Variants in HNRNPL observed in about 807,000 individuals in gnomAD.
HNRNPL encodes heterogeneous nuclear ribonucleoprotein L.
HNRNPL carries 12 observed loss-of-function variants against 64.0 expected under a neutral mutation model. The observed-to-expected ratio is 0.19, with a 90% CI of 0.12 to 0.30. The LOEUF (loss-of-function observed/expected upper bound fraction) is 0.30. Ranked by LOEUF, HNRNPL falls within the 10% of genes least tolerant of loss-of-function variation. The probability of loss-of-function intolerance (pLI) is 1.00; values close to 1 mark genes in which losing one functional copy is unlikely to be tolerated. For synonymous variants in HNRNPL, 385 were observed against 313.0 expected, an observed-to-expected ratio of 1.23 and a Z score of -2.43; for missense variants, 484 against 797.4, an observed-to-expected ratio of 0.61 and a Z score of 4.73.
Position 38,846,101 on chromosome 19 carries a change from G to A in HNRNPL, c.387-11C>T, listed in dbSNP as rs76281332. 1.8e-3 allele frequency: 2,834 copies of A among 1,587,002 alleles called. 49 individuals carry two copies. The African/African-American group carries it at 0.034, about 19-fold the overall frequency. ...ATTACCACCACATAGCTGGCAGAGA[G>A]AACACAGGTTTCAATCCTCTCAGGA... On this transcript the variant is annotated splice_polypyrimidine_tract_variant and intron_variant, in intron 2 of 12. Coordinates refer to ENST00000221419, the MANE Select transcript of HNRNPL (RefSeq NM_001533.3).
chr19:38,844,160 T>C lies in HNRNPL; in HGVS notation c.711-56A>G, dbSNP rs1237723546. On this transcript the variant is annotated intron_variant, in intron 4 of 12. Coordinates refer to ENST00000221419, the MANE Select transcript of HNRNPL (RefSeq NM_001533.3). ...GGAGATCTTTGAGAAGGGCTTCAAG[T>C]TACCCCAGAGTGTGATAAGGACAAG... The C allele has an allele frequency of 5.1e-6, 6 of 1,178,536 alleles. No individual in the cohort carries two copies. In the African/African-American group the frequency reaches 7.5e-5, roughly 15 times the overall value. 73.0% of individuals were successfully genotyped at this position (1,178,536 alleles called of 1,614,324 possible). A position where few individuals can be genotyped will look rare whatever the true frequency, so the allele number is the denominator to read the frequency against.
intron 8 of HNRNPL, chr19:38,839,466 GCGTTATTTA>G: frequency 5.7e-6 from 1 of 174,744 alleles, no homozygotes; most frequent in Non-Finnish European, 1.2e-5. Flanking sequence ...GAACCTGGGC[GCGTTATTTA>G]AGCCCCGTCC....
chr19:38,840,617 T>C, intron 6 of HNRNPL, 58 bp from the exon 7 acceptor site: 1 of 1,348,188 alleles, frequency 7.4e-7, no homozygotes. Flanking sequence ...TCTCCCTCCC[T>C]CCTGACTGCA....
upstream of HNRNPL, among the ~76,000 whole-genome samples, chr19:38,852,031 G>A (rs757608136): frequency 6.6e-6 from 1 of 151,564 alleles, no homozygotes. Context: ...GGGGGGAGGG[G>A]GAGAGAGAGG....
chr19:38,852,030 G>C (rs1205640735), upstream of HNRNPL, among the ~76,000 whole-genome samples: 2 of 151,546 alleles, frequency 1.3e-5, no homozygotes, highest in Non-Finnish European at 3.0e-5. Context: ...TGGGGGGAGG[G>C]GGAGAGAGAG....
At position 38,849,705 on chromosome 19, in the gene HNRNPL, C is replaced by T. The variant is rs1972437950; in HGVS notation, c.262G>A (p.Gly88Ser). ...GGAGAAGGGG[G>S]GENYDDPHKT... ...GCCTAGGGCCCTGGCCTCACCCCAC[C>T]GCCGCCGCCGCCCGCCGCCCCGGCT... Residue 88 changes from glycine (G) to serine (S), a missense_variant, in exon 1 of 13, where the codon GGT (glycine) becomes AGT (serine). Around this residue, in one of 9 missense-constraint regions of HNRNPL, gnomAD observed 190 missense variants for 160.1 expected, o/e 1.19. Transcript: ENST00000221419. 2 of 1,351,094 alleles carry T rather than the reference C, an allele frequency of 1.5e-6. No individual in the cohort carries two copies. The highest frequency in any genetic ancestry group is 1.9e-6 in the Non-Finnish European group (2 of 1,060,044). The allele number at this position is 1,351,094 out of a possible 1,614,324, so 83.7% of individuals were successfully genotyped here.
chr19:38,845,516 G>A, intron 4 of HNRNPL, 134 bp downstream of exon 4: 1 of 714,890 alleles, frequency 1.4e-6, no homozygotes, highest in Non-Finnish European at 2.5e-6. Context: ...TCAGTCACTG[G>A]GCTCTGTGAA....
At chr19:38,837,704 C>T in intron 10 of HNRNPL, 53 bp from the exon 11 acceptor site, 2 of 1,532,736 alleles carry the variant, frequency 1.3e-6, no homozygotes, top group Non-Finnish European at 1.8e-6. Context: ...GGCCGCCACA[C>T]AGGATTCAAG....
intron 11 of HNRNPL, 27 bp from the exon 12 acceptor site, chr19:38,837,506 AAGGTTTTAGACTCACCCAATAGGAACT>A (rs1451104184): frequency 3.7e-6 from 6 of 1,613,226 alleles, no homozygotes; most frequent in Non-Finnish European, 5.1e-6. Context: ...GGGAAAAGTA[AAGGTTTTAGACTCACCCAATAGGAACT>A]AGGCAGCTGC....
intron 8 of HNRNPL, chr19:38,839,234 G>C: frequency 1.8e-6 from 1 of 543,216 alleles, no homozygotes; most frequent in East Asian, 3.2e-5. Flanking sequence ...TAACCCACCA[G>C]TAAATCATTT....
At chr19:38,838,290 G>C (rs1255244450) in intron 10 of HNRNPL, 107 bp downstream of exon 10, 23 of 884,140 alleles carry the variant, frequency 2.6e-5, no homozygotes, top group Non-Finnish European at 5.3e-6. Context: ...CCCAGGGCCA[G>C]GCAGGACAGG....
intron 4 of HNRNPL, 142 bp from the exon 5 acceptor site, chr19:38,844,246 T>C: frequency 1.6e-6 from 1 of 632,640 alleles, no homozygotes; most frequent in South Asian, 1.8e-5. Context: ...GCCCAGCCAC[T>C]AGCCTCAGGT....
intron 4 of HNRNPL, 65 bp from the exon 5 acceptor site, chr19:38,844,169 AGT>A (rs1972207285): frequency 3.7e-6 from 4 of 1,073,310 alleles, no homozygotes; most frequent in African/African-American, 3.1e-5. Flanking sequence ...GTTACCCCAG[AGT>A]GTGATAAGGA....
In HNRNPL at chr19:38,849,705, C is replaced by A; in HGVS notation, c.262G>T (p.Gly88Cys). Residue 88 changes from glycine to cysteine, a missense_variant, in exon 1 of 13, where the codon GGT becomes TGT. Gly to Cys is a radical substitution (Grantham distance 159, BLOSUM62 -3). This residue lies in a region of HNRNPL where 190 missense variants were observed against 160.1 expected (regional missense o/e 1.19). Coordinates refer to ENST00000221419, the MANE Select transcript of HNRNPL (RefSeq NM_001533.3). Reference protein sequence around the residue: ...GGAGAAGGGGGGENYDDPHKT... With the variant: ...GGAGAAGGGGCGENYDDPHKT... ...GCCTAGGGCCCTGGCCTCACCCCAC[C>A]GCCGCCGCCGCCCGCCGCCCCGGCT... 1 of 1,351,094 alleles carries A rather than the reference C, an allele frequency of 7.4e-7. No homozygotes were observed. Among genetic ancestry groups the A allele is most frequent in the Non-Finnish European group, 9.4e-7 (1 of 1,060,044 alleles). 83.7% of individuals were successfully genotyped at this position (1,351,094 alleles called of 1,614,324 possible). A position where few individuals can be genotyped will look rare whatever the true frequency, so the allele number is the denominator to read the frequency against.
At chr19:38,843,599 T>A (rs1972185986) in intron 6 of HNRNPL, 2 of 535,400 alleles carry the variant, frequency 3.7e-6, no homozygotes, top group Non-Finnish European at 6.7e-6. Context: ...TCCCCGCCCA[T>A]CCAGGCTTCT....
chr19:38,849,476 C>T (rs1053458463), intron 1 of HNRNPL: 15 of 526,648 alleles, frequency 2.8e-5, no homozygotes, highest in Admixed American at 4.5e-5. Context: ...CGAGCTACTT[C>T]CTCTGCGCTC....
At chr19:38,842,026 C>G in intron 6 of HNRNPL, 1 of 249,594 alleles carries the variant, frequency 4.0e-6, no homozygotes, top group Non-Finnish European at 8.0e-6. Context: ...CAGCAGGTAA[C>G]TGTGTGCCTC....
Position 38,847,404 on chromosome 19 carries a change from C to T in HNRNPL, c.298G>A (p.Ala100Thr). The change falls in exon 2 of 13, where the codon GCC becomes ACC. Residue 100 changes from alanine (A) to threonine (T), a missense_variant. Physicochemically the swap from Ala to Thr is moderately conservative, Grantham distance 58 (BLOSUM62 0). Coordinates refer to ENST00000221419, the MANE Select transcript of HNRNPL (RefSeq NM_001533.3). ...ENYDDPHKTPASPVVHIRGLI... is the reference protein window; with the variant it reads ...ENYDDPHKTPTSPVVHIRGLI... ...CCCCTGATGTGGACAACTGGGGAGGCAGGGGTTTTGTGCGGGTCATCGTAG... is the reference window on the plus strand; with the variant it reads ...CCCCTGATGTGGACAACTGGGGAGGTAGGGGTTTTGTGCGGGTCATCGTAG... The T allele has an allele frequency of 3.9e-6, 6 of 1,551,270 alleles. No individual in the cohort carries two copies. The highest frequency in any genetic ancestry group is 5.2e-6 in the Non-Finnish European group (6 of 1,149,806).
At chr19:38,852,020 T>C (rs1201320457), upstream of HNRNPL, among the ~76,000 whole-genome samples, 1 of 148,274 alleles carries the variant, frequency 6.7e-6, no homozygotes, top group East Asian at 2.1e-4. Flanking sequence ...AGGAATGCGG[T>C]GGGGGGAGGG....
Sources: gnomAD v4.1 joint callset for allele counts (sites outside exome capture counted in the v4.1 genomes callset) on GRCh38, gnomAD v4.1.1 for gene constraint, gnomAD v4.1.1 regional missense constraint, MANE v1.5 for transcripts, NCBI Gene and HGNC (gene_info 2026-07-23, HGNC 2026-07-21) for gene names.